The following AATF variants were observed in gnomAD, a reference collection of about 807,000 sequenced individuals.
AATF encodes the protein apoptosis antagonizing transcription factor, also known as protein AATF.
Under a neutral mutation model 63.7 loss-of-function variants are expected in AATF, and 48 were observed. The ratio of observed to expected loss-of-function variants is 0.75; its 90% CI spans 0.60 to 0.96. AATF has a LOEUF of 0.96. AATF is among the 40% of genes least tolerant of loss of function. The pLI, the probability that AATF is intolerant of heterozygous loss-of-function variation, is 0.00. For synonymous variants in AATF, 258 were observed against 247.7 expected, an observed-to-expected ratio of 1.04 and a Z score of -0.39; for missense variants, 639 against 685.7, an observed-to-expected ratio of 0.93 and a Z score of 0.76.
chr17:37,011,873 C>T (rs1197028316), intron 8 of AATF, among the ~76,000 whole-genome samples: 1 of 151,938 alleles, frequency 6.6e-6, no homozygotes, highest in Non-Finnish European at 1.5e-5. Context: ...GTTGTTGGTT[C>T]GGGAGTGAAT....
intron 4 of AATF, among the ~76,000 whole-genome samples, chr17:36,978,857 C>T (rs920881792): frequency 2.0e-5 from 3 of 151,506 alleles, no homozygotes; most frequent in African/African-American, 4.9e-5. Flanking sequence ...TGACAGAATT[C>T]GGAATTATGA....
intron 4 of AATF, among the ~76,000 whole-genome samples, chr17:36,983,196 C>T (rs1014113816): frequency 1.3e-5 from 2 of 152,088 alleles, no homozygotes; most frequent in African/African-American, 2.4e-5. Flanking sequence ...TGTACGCTGC[C>T]ATACCTGGCT....
chr17:36,953,442 C>T, intron 3 of AATF, 146 bp downstream of exon 3: 2 of 1,395,924 alleles, frequency 1.4e-6, no homozygotes, highest in Admixed American at 2.7e-5. Context: ...AGCCTAAAGC[C>T]CTATTCCTGT....
chr17:36,954,227 A>G (rs1395408546), intron 4 of AATF, among the ~76,000 whole-genome samples: 2 of 151,722 alleles, frequency 1.3e-5, no homozygotes. Context: ...AGGGACCACA[A>G]GCGTGCACCA....
intron 5 of AATF, 45 bp downstream of exon 5, chr17:36,986,776 G>T (rs1053874393): frequency 1.3e-6 from 2 of 1,486,738 alleles, no homozygotes; most frequent in Non-Finnish European, 1.9e-6. Context: ...TTTTCATTTG[G>T]ATAGTTTCCC....
chr17:37,010,836 A>G (rs1225109835), intron 8 of AATF, among the ~76,000 whole-genome samples: 1 of 152,212 alleles, frequency 6.6e-6, no homozygotes, highest in African/African-American at 2.4e-5. Context: ...CATTTCACGT[A>G]CAGAATGAAG....
intron 4 of AATF, among the ~76,000 whole-genome samples, chr17:36,980,008 G>T (rs1009792318): frequency 6.6e-6 from 1 of 152,088 alleles, no homozygotes; most frequent in Non-Finnish European, 1.5e-5. Flanking sequence ...TTTACCATGT[G>T]AAATATGATT....
intron 6 of AATF, 21 bp downstream of exon 6, chr17:36,988,741 A>G (rs1445895528): frequency 6.2e-7 from 1 of 1,611,176 alleles, no homozygotes; most frequent in Middle Eastern, 1.9e-4. Flanking sequence ...GTATGCGCGC[A>G]TGTATGTGTA....
At chr17:36,989,197 C>T in intron 6 of AATF, 50 bp from the exon 7 acceptor site, 1 of 1,564,514 alleles carries the variant, frequency 6.4e-7, no homozygotes, top group Non-Finnish European at 8.7e-7. Context: ...TGTAGCTTGC[C>T]TTCAGCACTG....
chr17:37,018,048 T>C (rs2071440743), intron 8 of AATF, among the ~76,000 whole-genome samples: 1 of 152,248 alleles, frequency 6.6e-6, no homozygotes, highest in South Asian at 2.1e-4. Context: ...AACTAGTTTA[T>C]CTTAGCGTCT....
intron 4 of AATF, among the ~76,000 whole-genome samples, chr17:36,972,279 A>T (rs2071045393): frequency 6.6e-6 from 1 of 152,242 alleles, no homozygotes; most frequent in Non-Finnish European, 1.5e-5. Context: ...TGTGGGTTAG[A>T]ACTGAAAAAT....
At chr17:36,979,498 A>G (rs2071104709) in intron 4 of AATF, among the ~76,000 whole-genome samples, 1 of 152,158 alleles carries the variant, frequency 6.6e-6, no homozygotes, top group Non-Finnish European at 1.5e-5. Flanking sequence ...ATTTTGACCT[A>G]TAGTTTAGCT....
intron 4 of AATF, 22 bp from the exon 5 acceptor site, chr17:36,986,595 T>G: frequency 6.3e-7 from 1 of 1,588,208 alleles, no homozygotes; most frequent in Non-Finnish European, 8.6e-7. Context: ...TAATTGTCCT[T>G]TCTCTGTCCT....
At chr17:36,959,751 A>G (rs543858358) in intron 4 of AATF, among the ~76,000 whole-genome samples, 4 of 152,340 alleles carry the variant, frequency 2.6e-5, no homozygotes, top group Admixed American at 6.5e-5. Context: ...CTAAAATGCA[A>G]TATCATTAAA....
intron 4 of AATF, among the ~76,000 whole-genome samples, chr17:36,977,203 A>C (rs563061963): frequency 1.3e-5 from 2 of 152,304 alleles, no homozygotes; most frequent in South Asian, 4.1e-4. Flanking sequence ...TTTGTAGCAT[A>C]CCTTTTATGG....
chr17:36,986,390 C>T (rs377436578), intron 4 of AATF, among the ~76,000 whole-genome samples: 1 of 152,166 alleles, frequency 6.6e-6, no homozygotes, highest in Non-Finnish European at 1.5e-5. Flanking sequence ...TTTCTAAGCA[C>T]CTTACATGCA....
chr17:36,976,664 G>A (rs1597708324), intron 4 of AATF, among the ~76,000 whole-genome samples: 1 of 152,142 alleles, frequency 6.6e-6, no homozygotes. Flanking sequence ...TACAGTTTCT[G>A]CTCTCAAGGA....
chr17:36,964,816 C>A (rs1239899602), intron 4 of AATF, among the ~76,000 whole-genome samples: 1 of 145,828 alleles, frequency 6.9e-6, no homozygotes, highest in Non-Finnish European at 1.5e-5. Context: ...AACTTTACAT[C>A]ATGCCATCTC....
At chr17:37,016,927 A>G (rs1232126553) in intron 8 of AATF, among the ~76,000 whole-genome samples, 3 of 152,264 alleles carry the variant, frequency 2.0e-5, no homozygotes, top group Non-Finnish European at 4.4e-5. Context: ...GACCAATAAA[A>G]CAATCTTCCA....
Sources: gnomAD v4.1 joint callset for allele counts (sites outside exome capture counted in the v4.1 genomes callset) on GRCh38, gnomAD v4.1.1 for gene constraint, MANE v1.5 for transcripts, NCBI Gene and HGNC (gene_info 2026-07-23, HGNC 2026-07-21) for gene names.